Variants in SNX29 observed in about 807,000 individuals in gnomAD.
The protein encoded by SNX29 is sorting nexin-29.
SNX29 carries 78 observed loss-of-function variants against 102.1 expected under a neutral mutation model. That is an observed-to-expected ratio of 0.76 (90% confidence interval 0.64 to 0.92). The LOEUF (loss-of-function observed/expected upper bound fraction) is 0.92. SNX29 is among the 40% of genes least tolerant of loss of function. The pLI is 0.00. For synonymous variants in SNX29, 580 were observed against 414.5 expected (o/e 1.40, Z -4.85); for missense variants, 1,280 against 1,061.7 (o/e 1.21, Z -2.86).
chr16:12,558,924 C>T (rs989534091), intron 20 of SNX29, among the ~76,000 whole-genome samples: 6 of 152,206 alleles, frequency 3.9e-5, no homozygotes, highest in Admixed American at 1.3e-4. Flanking sequence ...CTTGTTTAAT[C>T]TCATAGGTGG....
intron 1 of SNX29, among the ~76,000 whole-genome samples, chr16:11,979,886 C>T (rs2055377732): frequency 6.6e-6 from 1 of 152,144 alleles, no homozygotes; most frequent in African/African-American, 2.4e-5. Flanking sequence ...ATATGATCCA[C>T]CTGCCTCAGC....
At chr16:12,270,078 C>G (rs935203835) in intron 14 of SNX29, among the ~76,000 whole-genome samples, 2 of 152,034 alleles carry the variant, frequency 1.3e-5, no homozygotes, top group Non-Finnish European at 2.9e-5. Flanking sequence ...CCAGGCTGGT[C>G]TCAAATTCCT....
At chr16:12,270,840 G>A (rs1596703079) in intron 14 of SNX29, among the ~76,000 whole-genome samples, 1 of 152,004 alleles carries the variant, frequency 6.6e-6, no homozygotes, top group Admixed American at 6.6e-5. Flanking sequence ...TCAGGCATTC[G>A]AGACCCACCT....
At chr16:12,113,661 G>T (rs2053581363) in intron 11 of SNX29, among the ~76,000 whole-genome samples, 1 of 152,220 alleles carries the variant, frequency 6.6e-6, no homozygotes, top group African/African-American at 2.4e-5. Context: ...CTTGCCACCA[G>T]TTAACCCCAC....
intron 13 of SNX29, among the ~76,000 whole-genome samples, chr16:12,184,372 G>A (rs1303026772): frequency 1.3e-5 from 2 of 152,220 alleles, no homozygotes; most frequent in Admixed American, 6.5e-5. Flanking sequence ...GCACCGTGCT[G>A]AATGTTGGGC....
At chr16:12,372,638 A>C (rs1463555938) in intron 16 of SNX29, 1 of 152,216 alleles carries the variant, frequency 6.6e-6, no homozygotes, top group Non-Finnish European at 1.5e-5. Context: ...GTAGGTATCA[A>C]GTATAATGAT....
chr16:12,403,636 GC>G, intron 18 of SNX29, 107 bp downstream of exon 18: 1 of 1,074,142 alleles, frequency 9.3e-7, no homozygotes, highest in Non-Finnish European at 1.4e-6. Context: ...TGATTAGGAG[GC>G]TATGGCCTTC....
intron 19 of SNX29, among the ~76,000 whole-genome samples, chr16:12,513,498 C>G (rs1210085663): frequency 6.6e-6 from 1 of 152,054 alleles, no homozygotes; most frequent in Non-Finnish European, 1.5e-5. Flanking sequence ...ACACCTTCAG[C>G]TAAAGACTTC....
intron 20 of SNX29, among the ~76,000 whole-genome samples, chr16:12,543,956 C>G (rs989535409): frequency 1.3e-5 from 2 of 152,332 alleles, no homozygotes; most frequent in Admixed American, 6.5e-5. Context: ...AGGAGCCTAT[C>G]TGCTGGGAGA....
intron 20 of SNX29, among the ~76,000 whole-genome samples, chr16:12,538,361 A>G (rs2077171806): frequency 6.6e-6 from 1 of 152,186 alleles, no homozygotes; most frequent in African/African-American, 2.4e-5. Context: ...AAGTGCTGAC[A>G]TTACAGGCGT....
intron 18 of SNX29, among the ~76,000 whole-genome samples, chr16:12,411,335 C>G (rs1047105503): frequency 6.6e-6 from 1 of 152,176 alleles, no homozygotes. Context: ...GGAGCACTTG[C>G]CCTTGTTCTT....
intron 18 of SNX29, among the ~76,000 whole-genome samples, chr16:12,439,329 T>C (rs1375473385): frequency 6.6e-6 from 1 of 152,200 alleles, no homozygotes; most frequent in Non-Finnish European, 1.5e-5. Flanking sequence ...CGGGGAGTAG[T>C]GGGTCCTGAT....
intron 15 of SNX29, among the ~76,000 whole-genome samples, chr16:12,351,797 C>G (rs1027575960): frequency 1.3e-5 from 2 of 152,088 alleles, no homozygotes; most frequent in Admixed American, 1.3e-4. Flanking sequence ...TGCTTTCCCC[C>G]ATCTTTTAGG....
At chr16:12,505,211 A>G (rs1005974830) in intron 19 of SNX29, among the ~76,000 whole-genome samples, 2 of 152,206 alleles carry the variant, frequency 1.3e-5, no homozygotes, top group Admixed American at 6.5e-5. Flanking sequence ...TGGAACTGCC[A>G]GGTCATGTGG....
chr16:12,287,677 G>A (rs1159431305), intron 15 of SNX29, among the ~76,000 whole-genome samples: 1 of 152,222 alleles, frequency 6.6e-6, no homozygotes, highest in Non-Finnish European at 1.5e-5. Context: ...CCTTAGTATT[G>A]TCAAATATCT....
intron 15 of SNX29, among the ~76,000 whole-genome samples, chr16:12,344,465 T>G (rs79263075): frequency 0.044 from 6,631 of 152,310 alleles, 466 homozygotes; most frequent in African/African-American, 0.15. Flanking sequence ...TCTTGTTTGC[T>G]GCTGTATCCA....
At chr16:11,985,511 C>G (rs1182714431) in intron 1 of SNX29, among the ~76,000 whole-genome samples, 2 of 152,208 alleles carry the variant, frequency 1.3e-5, no homozygotes, top group Non-Finnish European at 2.9e-5. Flanking sequence ...ATCTTTCTGT[C>G]TGGCTGTCAA....
intron 16 of SNX29, among the ~76,000 whole-genome samples, chr16:12,389,209 T>C (rs568379914): frequency 5.5e-4 from 84 of 152,310 alleles, no homozygotes; most frequent in African/African-American, 1.9e-3. Flanking sequence ...TGTGCCTCAG[T>C]TTCCCTGGCT....
At chr16:12,069,876 G>C (rs2051212999) in intron 10 of SNX29, among the ~76,000 whole-genome samples, 1 of 151,560 alleles carries the variant, frequency 6.6e-6, no homozygotes, top group African/African-American at 2.4e-5. Context: ...ATTTTCAGTA[G>C]AGATGGGGTT....
Sources: allele counts gnomAD v4.1 joint callset (sites outside exome capture counted in the v4.1 genomes callset), GRCh38; gene constraint gnomAD v4.1.1; transcripts MANE v1.5; gene names NCBI Gene and HGNC (gene_info 2026-07-23, HGNC 2026-07-21).